DAB2IP: variants seen among roughly 807,000 people sequenced by gnomAD.
DAB2IP encodes DAB2 interacting protein.
A neutral mutation model predicts 107.2 loss-of-function variants in DAB2IP; 28 were observed. The ratio of observed to expected loss-of-function variants is 0.26; its 90% CI spans 0.19 to 0.36. DAB2IP has a LOEUF of 0.36. DAB2IP is among the 10% of genes least tolerant of loss of function. The pLI, the probability that DAB2IP is intolerant of heterozygous loss-of-function variation, is 1.00. For missense variants in DAB2IP, 1,400 were observed against 1,644.7 expected (o/e 0.85, Z 2.57); for synonymous variants, 755 against 706.4 (o/e 1.07, Z -1.09).
intron 1 of DAB2IP, among the ~76,000 whole-genome samples, chr9:121,654,963 G>A (rs930547242): frequency 1.3e-5 from 2 of 152,216 alleles, no homozygotes; most frequent in South Asian, 2.1e-4. Context: ...CAGGCTGGGG[G>A]AAGGGAGCAG....
intron 3 of DAB2IP, among the ~76,000 whole-genome samples, chr9:121,716,130 C>T (rs1176620581): frequency 6.6e-6 from 1 of 152,360 alleles, no homozygotes; most frequent in African/African-American, 2.4e-5. Context: ...CTGAGACCCA[C>T]TCAAGTGTTG....
At chr9:121,643,259 T>C (rs1832425203) in intron 1 of DAB2IP, among the ~76,000 whole-genome samples, 1 of 151,998 alleles carries the variant, frequency 6.6e-6, no homozygotes, top group Admixed American at 6.6e-5. Flanking sequence ...AAGCCTGCCA[T>C]ATGGAGCCAT....
At chr9:121,675,512 G>A (rs1490465751) in intron 1 of DAB2IP, among the ~76,000 whole-genome samples, 1 of 152,198 alleles carries the variant, frequency 6.6e-6, no homozygotes, top group Non-Finnish European at 1.5e-5. Context: ...TCCCTAGAAA[G>A]GTGGCTGAAC....
chr9:121,617,115 C>T (rs1254435136), intron 1 of DAB2IP, among the ~76,000 whole-genome samples: 2 of 152,142 alleles, frequency 1.3e-5, no homozygotes, highest in African/African-American at 2.4e-5. Context: ...GAGCAGATCA[C>T]CTGAGGTCAG....
chr9:121,715,314 G>A (rs893995733), intron 3 of DAB2IP, among the ~76,000 whole-genome samples: 3 of 151,752 alleles, frequency 2.0e-5, no homozygotes, highest in African/African-American at 7.3e-5. Flanking sequence ...TAATGACAGC[G>A]TGACTTGGGT....
intron 3 of DAB2IP, among the ~76,000 whole-genome samples, chr9:121,718,436 G>A (rs1830732657): frequency 6.6e-6 from 1 of 152,192 alleles, no homozygotes; most frequent in Non-Finnish European, 1.5e-5. Flanking sequence ...TCTATCTGCA[G>A]GGACAACAAA....
intron 1 of DAB2IP, among the ~76,000 whole-genome samples, chr9:121,658,808 G>C (rs1298784208): frequency 6.6e-6 from 1 of 152,182 alleles, no homozygotes; most frequent in African/African-American, 2.4e-5. Flanking sequence ...CTCAGTCTCC[G>C]AATCTCAGAT....
chr9:121,651,546 C>A (rs886667723), upstream of DAB2IP: 2 of 584,544 alleles, frequency 3.4e-6, no homozygotes, highest in Non-Finnish European at 4.4e-6. This position sits in a 1 kb window ranked among gnomAD's most constrained non-coding sequence, Gnocchi z 5.1. Flanking sequence ...GGGCCGGTGC[C>A]AGCCCGGCCT....
In DAB2IP at chr9:121,776,471, G is replaced by A. The variant is rs527990048; in HGVS notation, c.3314+80G>A. On this transcript the variant is annotated intron_variant, in intron 14 of 15. Transcript: ENST00000408936. This position sits in a 1 kb window ranked among gnomAD's most constrained non-coding sequence, Gnocchi z 5.4. Reference sequence around the variant, plus strand: ...TGCCTTCGAGGAGGCCCCTGGTCGGGGAGCCTCCTCAAAGGATAAGCTGAA... The same window carrying A: ...TGCCTTCGAGGAGGCCCCTGGTCGGAGAGCCTCCTCAAAGGATAAGCTGAA... 5.1e-4 allele frequency: 717 copies of A among 1,402,770 alleles called. 12 individuals carry two copies. In the East Asian group the frequency reaches 0.018, roughly 35 times the overall value. 86.9% of individuals were successfully genotyped at this position (1,402,770 alleles called of 1,614,324 possible).
At position 121,768,366 on chromosome 9, in the gene DAB2IP, T is replaced by G. The variant is rs1834450288; in HGVS notation, c.1698-66T>G. ...GGGAAAGCGGGTGGTGGTGTCCCAGTGGAGGGAGTTCCTGGGCAGGGCCTG... is the reference window on the plus strand; with the variant it reads ...GGGAAAGCGGGTGGTGGTGTCCCAGGGGAGGGAGTTCCTGGGCAGGGCCTG... On this transcript the variant is annotated intron_variant, in intron 9 of 15. Coordinates refer to ENST00000408936, the Ensembl canonical transcript of DAB2IP. 2.6e-6 allele frequency: 4 copies of G among 1,545,484 alleles called. No individual in the cohort carries two copies. In the East Asian group the frequency reaches 9.0e-5, roughly 35 times the overall value.
intron 2 of DAB2IP, among the ~76,000 whole-genome samples, chr9:121,693,187 C>T (rs964011855): frequency 7.9e-5 from 12 of 152,168 alleles, no homozygotes; most frequent in East Asian, 3.9e-4. Flanking sequence ...CTAATGGCTC[C>T]GCCTGGTGAC....
chr9:121,585,201 A>G (rs1011598686), intron 1 of DAB2IP, among the ~76,000 whole-genome samples: 7 of 152,168 alleles, frequency 4.6e-5, no homozygotes, highest in Admixed American at 3.9e-4. Flanking sequence ...GCGGCCAACA[A>G]CACCTCTGTC....
intron 1 of DAB2IP, among the ~76,000 whole-genome samples, chr9:121,664,647 G>A (rs1833344468): frequency 1.3e-5 from 2 of 152,200 alleles, no homozygotes; most frequent in South Asian, 4.1e-4. Context: ...TGAAGTGGCT[G>A]AGATTTTACT....
intron 3 of DAB2IP, among the ~76,000 whole-genome samples, chr9:121,717,799 C>T (rs139646570): frequency 5.3e-5 from 8 of 152,214 alleles, no homozygotes; most frequent in Non-Finnish European, 1.2e-4. Flanking sequence ...CAGTCCTGGA[C>T]TTCCTGCTGT....
chr9:121,645,749 A>G (rs1832514794), intron 1 of DAB2IP, among the ~76,000 whole-genome samples: 1 of 152,092 alleles, frequency 6.6e-6, no homozygotes, highest in Admixed American at 6.5e-5. Flanking sequence ...AGTTTCTCTC[A>G]AGGTTCCTTC....
chr9:121,770,983 C>T (rs1006698121), intron 11 of DAB2IP, among the ~76,000 whole-genome samples: 3 of 152,166 alleles, frequency 2.0e-5, no homozygotes, highest in Non-Finnish European at 2.9e-5. Flanking sequence ...GCATTCTAGA[C>T]AGAGGGACAA....
exon 12 of DAB2IP, chr9:121,773,077 G>C (rs376857569): frequency 1.0e-4 from 166 of 1,612,416 alleles, no homozygotes; most frequent in Non-Finnish European, 1.2e-4. Flanking sequence ...GGCGACTCAG[G>C]CTCTGAGGGC....
At chr9:121,575,335 G>A (rs1055772443) in intron 1 of DAB2IP, 1 of 153,484 alleles carries the variant, frequency 6.5e-6, no homozygotes, top group Non-Finnish European at 1.4e-5. Flanking sequence ...CTCTTGTGAG[G>A]ACCAAGCAGG....
intron 3 of DAB2IP, among the ~76,000 whole-genome samples, chr9:121,700,894 A>G (rs1829740582): frequency 6.6e-6 from 1 of 152,120 alleles, no homozygotes; most frequent in Non-Finnish European, 1.5e-5. Flanking sequence ...CCTGGCAGGA[A>G]GATGCAGCCA....
Sources: allele counts gnomAD v4.1 joint callset (sites outside exome capture counted in the v4.1 genomes callset), GRCh38; gene constraint gnomAD v4.1.1; non-coding constraint Gnocchi (gnomAD v3.1); transcripts MANE v1.5; gene names NCBI Gene and HGNC (gene_info 2026-07-23, HGNC 2026-07-21).